Variants in CACNA1H observed in about 807,000 individuals in gnomAD.
The protein encoded by CACNA1H is calcium voltage-gated channel subunit alpha1 H.
CACNA1H carries 149 observed loss-of-function variants against 192.5 expected under a neutral mutation model. The observed-to-expected ratio is 0.77, with a 90% CI of 0.68 to 0.89. The LOEUF is 0.89. Among genes scored for constraint, CACNA1H ranks in the 40% least tolerant of loss-of-function variants. CACNA1H has a pLI of 0.00. For missense variants in CACNA1H, 4,257 were observed against 3,423.5 expected (o/e 1.24, Z -6.08); for synonymous variants, 2,202 against 1,475.2 (o/e 1.49, Z -11.29).
intron 2 of CACNA1H, among the ~76,000 whole-genome samples, chr16:1,175,550 T>C (rs2151729759): frequency 6.6e-6 from 1 of 152,224 alleles, no homozygotes; most frequent in Non-Finnish European, 1.5e-5. Context: ...TAGGTCCCCG[T>C]CTGCTCGCCG....
At chr16:1,160,853 A>G (rs1011589608) in intron 2 of CACNA1H, among the ~76,000 whole-genome samples, 1 of 152,178 alleles carries the variant, frequency 6.6e-6, no homozygotes, top group African/African-American at 2.4e-5. Context: ...GGCCCCGTGC[A>G]GCGTCAACCC....
intron 2 of CACNA1H, among the ~76,000 whole-genome samples, chr16:1,166,900 G>A (rs996906365): frequency 1.3e-5 from 2 of 152,188 alleles, no homozygotes; most frequent in African/African-American, 4.8e-5. Context: ...TCCAGGTTCG[G>A]GGGAAACCCT....
chr16:1,187,894 T>C (rs146590707), intron 2 of CACNA1H, among the ~76,000 whole-genome samples: 1 of 152,332 alleles, frequency 6.6e-6, no homozygotes, highest in East Asian at 1.9e-4. Context: ...ACATCTGTCC[T>C]GACCTTCCTT....
Position 1,196,953 on chromosome 16 carries a change from G to A in CACNA1H, c.643+930G>A, listed in dbSNP as rs568247365. On this transcript the variant is annotated intron_variant, in intron 5 of 34. Transcript: ENST00000348261. ...GATGTGGCCCCGTGTGTGCACGTGC[G>A]GGTGTAACACAGCCTTTCTGGCTGC... is the stretch of plus-strand genomic sequence containing the variant. Among the ~76,000 whole-genome samples the A allele has an allele frequency of 1.1e-4, 16 of 151,664 alleles. No homozygotes were observed. The South Asian group carries it at 2.1e-3, about 20-fold the overall frequency.
chr16:1,164,059 C>A (rs1963500723), intron 2 of CACNA1H, among the ~76,000 whole-genome samples: 1 of 152,198 alleles, frequency 6.6e-6, no homozygotes, highest in Non-Finnish European at 1.5e-5. Flanking sequence ...TGCCTGGCCG[C>A]CGGCCGGGTA....
intron 2 of CACNA1H, among the ~76,000 whole-genome samples, chr16:1,158,539 T>C (rs1375844049): frequency 2.6e-5 from 4 of 152,192 alleles, no homozygotes. Flanking sequence ...GACGTCATCT[T>C]GTTCCCGCCA....
chr16:1,202,461 C>G lies in CACNA1H; in HGVS notation c.2002+9C>G. The G allele has an allele frequency of 6.8e-7, 1 of 1,473,458 alleles. No individual in the cohort carries two copies. The highest frequency in any genetic ancestry group is 9.0e-7 in the Non-Finnish European group (1 of 1,109,044). The allele number at this position is 1,473,458 out of a possible 1,614,324, so 91.3% of individuals were successfully genotyped here. ...TGTGGTCGGGGAGCATGGTGAGGACCCAGCCCCACCCCACGGAGGAGGCGG... is the reference window on the plus strand; with the variant it reads ...TGTGGTCGGGGAGCATGGTGAGGACGCAGCCCCACCCCACGGAGGAGGCGG... On this transcript the variant is annotated intron_variant, in intron 9 of 34. Transcript: ENST00000348261.
At position 1,153,982 on chromosome 16, in the gene CACNA1H, G is replaced by C; in HGVS notation, c.245G>C (p.Cys82Ser). The part of the protein sequence containing the change: ...YPALAATVFF[C>S]LGQTTRPRSW... ...GCCTTGGCGGCCACGGTCTTCTTCT[G>C]CCTCGGTCAGACCACGCGGCCGCGC... The change falls in exon 2 of 35, where the codon TGC (cysteine) becomes TCC (serine). Residue 82 changes from cysteine (C) to serine (S), a missense_variant. Transcript: ENST00000348261. The C allele has an allele frequency of 7.0e-7, 1 of 1,433,316 alleles. No homozygotes were observed. Among genetic ancestry groups the C allele is most frequent in the Non-Finnish European group, 9.2e-7 (1 of 1,091,476 alleles). 88.8% of individuals were successfully genotyped at this position (1,433,316 alleles called of 1,614,324 possible).
At position 1,201,643 on chromosome 16, in the gene CACNA1H, C is replaced by G; in HGVS notation, c.1213-20C>G. On this transcript the variant is annotated intron_variant, in intron 8 of 34. Transcript: ENST00000348261. ...AGACTCGCTCACTCACTGCCACTTA[C>G]CCGCCCGCCCCCGTCACAGGTGGGC... 6.4e-7 allele frequency: 1 copy of G among 1,551,016 alleles called. No individual in the cohort carries two copies. Among genetic ancestry groups the G allele is most frequent in the Non-Finnish European group, 8.7e-7 (1 of 1,147,058 alleles).
intron 18 of CACNA1H, 51 bp from the exon 19 acceptor site, chr16:1,210,319 C>T (rs1313274961): frequency 2.7e-6 from 4 of 1,476,994 alleles, no homozygotes; most frequent in Non-Finnish European, 3.7e-6. Context: ...CCCATCCACT[C>T]TGCCATCCAC....
At chr16:1,211,004 C>G (rs778182691) in intron 21 of CACNA1H, 33 bp downstream of exon 21, 2 of 1,583,680 alleles carry the variant, frequency 1.3e-6, no homozygotes, top group Non-Finnish European at 8.6e-7. Flanking sequence ...CCGGGGCAAC[C>G]TGGAAGCACA....
intron 30 of CACNA1H, among the ~76,000 whole-genome samples, chr16:1,216,318 A>G (rs1397690233): frequency 2.6e-5 from 4 of 152,258 alleles, no homozygotes; most frequent in Non-Finnish European, 5.9e-5. Context: ...CCCGAGGGCC[A>G]GGTACCACTC....
intron 2 of CACNA1H, among the ~76,000 whole-genome samples, chr16:1,164,399 C>T (rs1963542571): frequency 6.6e-6 from 1 of 152,144 alleles, no homozygotes. Context: ...GTGGTGCAGT[C>T]ACCCCTCACT....
chr16:1,189,252 G>T (rs892791801), intron 2 of CACNA1H, among the ~76,000 whole-genome samples: 2 of 152,086 alleles, frequency 1.3e-5, no homozygotes, highest in South Asian at 4.1e-4. Context: ...GTGCCAGCTG[G>T]GGAGGCCCAG....
At chr16:1,160,938 C>T (rs374750233) in intron 2 of CACNA1H, among the ~76,000 whole-genome samples, 5 of 152,262 alleles carry the variant, frequency 3.3e-5, no homozygotes, top group South Asian at 2.1e-4. Flanking sequence ...GGCCCCCCCC[C>T]AGCCTCGGTG....
At chr16:1,162,213 C>A (rs1395176925) in intron 2 of CACNA1H, among the ~76,000 whole-genome samples, 4 of 152,114 alleles carry the variant, frequency 2.6e-5, no homozygotes, top group African/African-American at 9.7e-5. Context: ...CCTCCAGAGC[C>A]CCAAGAGGCC....
chr16:1,206,213 C>G lies in CACNA1H; in HGVS notation c.2713C>G (p.Leu905Val). The change falls in exon 12 of 35, where the codon CTC becomes GTC. Residue 905 changes from leucine to valine, a missense_variant. Physicochemically the swap from Leu to Val is conservative, Grantham distance 32 (BLOSUM62 1). Coordinates refer to ENST00000348261, the MANE Select transcript of CACNA1H (RefSeq NM_021098.3). ...VRFLPALRRQ[L>V]VVLVKTMDNV... is the part of the protein sequence containing the mutation. ...CTTTCTGCCAGCCCTGCGGCGCCAG[C>G]TCGTGGTGCTGGTGAAGACCATGGA... 6.3e-7 allele frequency: 1 copy of G among 1,593,210 alleles called. No homozygotes were observed. Among genetic ancestry groups the G allele is most frequent in the Non-Finnish European group, 8.5e-7 (1 of 1,170,820 alleles).
intron 6 of CACNA1H, among the ~76,000 whole-genome samples, chr16:1,199,698 C>A (rs1302524228): frequency 6.6e-6 from 1 of 150,690 alleles, no homozygotes; most frequent in Non-Finnish European, 1.5e-5. Flanking sequence ...CAATTCTCAC[C>A]CCCGAGTCTC....
chr16:1,156,697 C>A (rs922059813), intron 2 of CACNA1H, among the ~76,000 whole-genome samples: 7 of 152,164 alleles, frequency 4.6e-5, no homozygotes, highest in Non-Finnish European at 1.0e-4. Flanking sequence ...GGAACCCACA[C>A]TCAGTAAAGT....
Sources: gnomAD v4.1 joint callset for allele counts (sites outside exome capture counted in the v4.1 genomes callset) on GRCh38, gnomAD v4.1.1 for gene constraint, MANE v1.5 for transcripts, NCBI Gene and HGNC (gene_info 2026-07-23, HGNC 2026-07-21) for gene names.